TRPC7: variants seen among roughly 807,000 people sequenced by gnomAD.
TRPC7 encodes the protein transient receptor potential cation channel subfamily C member 7, also known as short transient receptor potential channel 7.
Under a neutral mutation model 90.1 loss-of-function variants are expected in TRPC7, and 42 were observed. The observed-to-expected ratio is 0.47, with a 90% CI of 0.36 to 0.60. The LOEUF is 0.60. TRPC7 is among the 20% of genes least tolerant of loss of function. TRPC7 has a pLI of 0.00. For missense variants in TRPC7, 955 were observed against 1,112.3 expected (o/e 0.86, Z 2.01); for synonymous variants, 451 against 436.3 (o/e 1.03, Z -0.42).
Position 136,274,771 on chromosome 5 carries a change from G to A in TRPC7, c.1030C>T (p.Arg344Cys), listed in dbSNP as rs769827279. The A allele has an allele frequency of 3.7e-5, 59 of 1,604,344 alleles. No homozygotes were observed. The highest frequency in any genetic ancestry group is 1.6e-4 in the Middle Eastern group (1 of 6,064). ...AATTTCACAGCGATAGACTGTTGAC[G>A]TAAGCCTGAGAGATTTTCATACCAC... The part of the protein sequence containing the change: ...TMWYENLSGL[R>C]QQSIAVKFLA... The change falls in exon 4 of 12, where the codon CGT becomes TGT. Residue 344 changes from arginine (R) to cysteine (C), a missense_variant. Physicochemically the swap from Arg to Cys is radical, Grantham distance 180. Coordinates refer to ENST00000513104, the MANE Select transcript of TRPC7 (RefSeq NM_020389.3).
chr5:136,250,804 C>G (rs1274527038), intron 6 of TRPC7, among the ~76,000 whole-genome samples: 1 of 151,916 alleles, frequency 6.6e-6, no homozygotes, highest in Non-Finnish European at 1.5e-5. Context: ...AGTAAACTAC[C>G]GAACTAGGAT....
intron 1 of TRPC7, 92 bp downstream of exon 1, chr5:136,365,161 T>C (rs2149867244): frequency 2.2e-6 from 3 of 1,385,236 alleles, no homozygotes; most frequent in Non-Finnish European, 3.0e-6. Context: ...GGAAGAAGGC[T>C]GATAAATGAA....
chr5:136,287,725 A>AC (rs1757776340), intron 3 of TRPC7, among the ~76,000 whole-genome samples: 3 of 131,992 alleles, frequency 2.3e-5, no homozygotes, highest in African/African-American at 9.1e-5. Context: ...AAAAAAAAAA[A>AC]AAAACCCAGA....
chr5:136,229,189 T>C (rs1755737637), intron 8 of TRPC7, among the ~76,000 whole-genome samples: 1 of 152,220 alleles, frequency 6.6e-6, no homozygotes, highest in Admixed American at 6.5e-5. Context: ...GCTTTAAAAA[T>C]ATATGTGTTG....
intron 3 of TRPC7, among the ~76,000 whole-genome samples, chr5:136,275,889 A>C (rs1181888632): frequency 6.6e-6 from 1 of 152,220 alleles, no homozygotes; most frequent in African/African-American, 2.4e-5. Flanking sequence ...AAGTCTGTTG[A>C]AAGCAGAAAG....
chr5:136,213,353 C>T lies in TRPC7; in HGVS notation c.*82G>A. 8.3e-6 allele frequency: 12 copies of T among 1,453,136 alleles called. No individual in the cohort carries two copies. The highest frequency in any genetic ancestry group is 1.1e-5 in the Non-Finnish European group (12 of 1,063,912). 90.0% of individuals were successfully genotyped at this position (1,453,136 alleles called of 1,614,324 possible). On this transcript the variant is annotated 3_prime_UTR_variant, in exon 12 of 12. Transcript: ENST00000513104. ...TGTCCTAGAGGAGTGGGCTGGGGAC[C>T]CCTCCCCACCAAGGATGGGGGCGAG...
intron 3 of TRPC7, among the ~76,000 whole-genome samples, chr5:136,307,182 T>C (rs1758666183): frequency 6.6e-6 from 1 of 152,256 alleles, no homozygotes; most frequent in Non-Finnish European, 1.5e-5. Flanking sequence ...TTGAAATATA[T>C]AATACATTTT....
chr5:136,287,481 CA>C (rs1300476800), intron 3 of TRPC7, among the ~76,000 whole-genome samples: 1 of 151,550 alleles, frequency 6.6e-6, no homozygotes, highest in Non-Finnish European at 1.5e-5. Context: ...GATGGACCCC[CA>C]AATGCAGATC....
intron 2 of TRPC7, among the ~76,000 whole-genome samples, chr5:136,320,926 T>C (rs1759177761): frequency 1.3e-5 from 2 of 152,354 alleles, no homozygotes; most frequent in East Asian, 1.9e-4. Flanking sequence ...TGATGTACTA[T>C]ATATTTTACT....
chr5:136,282,836 A>G (rs779029411), intron 3 of TRPC7, among the ~76,000 whole-genome samples: 1 of 152,206 alleles, frequency 6.6e-6, no homozygotes, highest in Non-Finnish European at 1.5e-5. Context: ...TTAAATGCCT[A>G]TTGTTACCAG....
chr5:136,310,120 G>A (rs1299335818), intron 3 of TRPC7, among the ~76,000 whole-genome samples: 2 of 152,064 alleles, frequency 1.3e-5, no homozygotes, highest in Non-Finnish European at 2.9e-5. Flanking sequence ...AGCTTGGCCC[G>A]TTCACCCTCT....
At chr5:136,305,121 A>G (rs1758567089) in intron 3 of TRPC7, among the ~76,000 whole-genome samples, 1 of 152,074 alleles carries the variant, frequency 6.6e-6, no homozygotes, top group Non-Finnish European at 1.5e-5. Flanking sequence ...ACTCTTTGTT[A>G]AGTCCCACAA....
At chr5:136,302,200 G>A (rs929509680) in intron 3 of TRPC7, among the ~76,000 whole-genome samples, 3 of 152,190 alleles carry the variant, frequency 2.0e-5, no homozygotes, top group African/African-American at 7.2e-5. Flanking sequence ...TTTAATCATT[G>A]CAGGGACACC....
intron 8 of TRPC7, among the ~76,000 whole-genome samples, chr5:136,227,574 T>C (rs1269832282): frequency 3.3e-5 from 5 of 152,160 alleles, no homozygotes. Context: ...GGTCCTGGTC[T>C]ACTTGGGGAC....
intron 11 of TRPC7, among the ~76,000 whole-genome samples, chr5:136,214,628 T>TGGCC (rs1755201907): frequency 6.6e-6 from 1 of 152,180 alleles, no homozygotes; most frequent in African/African-American, 2.4e-5. Context: ...TGAGGCTGGC[T>TGGCC]GGCCTGACAC....
intron 3 of TRPC7, among the ~76,000 whole-genome samples, chr5:136,300,614 AT>A (rs1758344770): frequency 6.6e-6 from 1 of 152,232 alleles, no homozygotes; most frequent in Non-Finnish European, 1.5e-5. Flanking sequence ...CAGAACTGGC[AT>A]TGGGGCTTTC....
intron 6 of TRPC7, among the ~76,000 whole-genome samples, chr5:136,250,663 C>T (rs1173091065): frequency 6.6e-6 from 1 of 152,168 alleles, no homozygotes; most frequent in Non-Finnish European, 1.5e-5. Context: ...ATTTTCACAG[C>T]AGAGTGCAAA....
At chr5:136,243,963 C>G (rs1367942878) in intron 7 of TRPC7, among the ~76,000 whole-genome samples, 1 of 152,024 alleles carries the variant, frequency 6.6e-6, no homozygotes, top group East Asian at 1.9e-4. Context: ...TCTCTTGTGT[C>G]TAGGAAATCT....
intron 3 of TRPC7, among the ~76,000 whole-genome samples, chr5:136,314,820 A>G (rs1580943995): frequency 1.3e-5 from 2 of 152,362 alleles, no homozygotes; most frequent in East Asian, 3.9e-4. Context: ...TGTGGAAAGC[A>G]CATTGATATT....
Sources: gnomAD v4.1 joint callset for allele counts (sites outside exome capture counted in the v4.1 genomes callset) on GRCh38, gnomAD v4.1.1 for gene constraint, MANE v1.5 for transcripts, NCBI Gene and HGNC (gene_info 2026-07-23, HGNC 2026-07-21) for gene names.